Variants in BRD4 observed in about 807,000 individuals in gnomAD.
The protein encoded by BRD4 is bromodomain containing 4.
A neutral mutation model predicts 142.1 loss-of-function variants in BRD4; 16 were observed. That is an observed-to-expected ratio of 0.11 (90% CI 0.08 to 0.17). BRD4 has a LOEUF of 0.17. Ranked by LOEUF, BRD4 falls within the 10% of genes least tolerant of loss-of-function variation. The pLI is 1.00. For missense variants in BRD4, 1,424 were observed against 1,810.9 expected (o/e 0.79, Z 3.88); for synonymous variants, 833 against 707.5 (o/e 1.18, Z -2.82).
At position 15,257,070 on chromosome 19, in the gene BRD4, G is replaced by T; in HGVS notation, c.1445C>A (p.Pro482Gln). 6.2e-7 allele frequency: 1 copy of T among 1,605,180 alleles called. No individual in the cohort carries two copies. The highest frequency in any genetic ancestry group is 8.5e-7 in the Non-Finnish European group (1 of 1,177,866). Residue 482 changes from proline (P) to glutamine (Q), a missense_variant, in exon 8 of 20, where the codon CCG becomes CAG. Physicochemically the swap from Pro to Gln is moderately conservative, Grantham distance 76 (BLOSUM62 -1). This residue lies in a region of BRD4 where 90 missense variants were observed against 93.2 expected (regional missense o/e 0.97). Transcript: ENST00000679869. ...AVPPPTKVVAPPSSSDSSSDS... is the reference protein window; with the variant it reads ...AVPPPTKVVAQPSSSDSSSDS... ...GCTGCTGCTGTCGCTGGATGAGGGC[G>T]GGGCCACAACCTTGGTGGGAGGGGG...
At chr19:15,319,670 G>A (rs994661206) in intron 1 of BRD4, among the ~76,000 whole-genome samples, 10 of 151,896 alleles carry the variant, frequency 6.6e-5, no homozygotes, top group Admixed American at 1.3e-4. Context: ...AAGTGGCTCC[G>A]CCTGTAATCC....
chr19:15,316,672 A>T (rs1218927266), intron 1 of BRD4, among the ~76,000 whole-genome samples: 5 of 152,256 alleles, frequency 3.3e-5, no homozygotes, highest in Non-Finnish European at 7.3e-5. Flanking sequence ...AACTTTTTGA[A>T]GATGAGGTTA....
chr19:15,327,876 G>A (rs1018157726), intron 1 of BRD4, among the ~76,000 whole-genome samples: 39 of 137,822 alleles, frequency 2.8e-4, no homozygotes, highest in African/African-American at 8.8e-4. Flanking sequence ...AGTGGCGGGG[G>A]GTGGGCAGGA....
chr19:15,326,148 A>G (rs1236176562), intron 1 of BRD4, among the ~76,000 whole-genome samples: 2 of 145,562 alleles, frequency 1.4e-5, no homozygotes, highest in East Asian at 4.1e-4. Context: ...TTCACAATGT[A>G]GCATTAAAAA....
intron 1 of BRD4, among the ~76,000 whole-genome samples, chr19:15,314,471 G>C (rs1230667624): frequency 6.6e-6 from 1 of 152,146 alleles, no homozygotes; most frequent in African/African-American, 2.4e-5. Context: ...GCTTTCTCAA[G>C]TCTGGGACCC....
chr19:15,263,852 G>A (rs767857694), intron 6 of BRD4, among the ~76,000 whole-genome samples: 7 of 152,218 alleles, frequency 4.6e-5, no homozygotes, highest in Non-Finnish European at 7.3e-5. Flanking sequence ...CCAGCTCATC[G>A]TGATGACACA....
At chr19:15,270,330 T>C (rs2047573722) in intron 2 of BRD4, among the ~76,000 whole-genome samples, 1 of 152,102 alleles carries the variant, frequency 6.6e-6, no homozygotes, top group Non-Finnish European at 1.5e-5. Context: ...CCTGCTTACA[T>C]GTAAGGTTTT....
intron 10 of BRD4, 78 bp downstream of exon 10, chr19:15,255,219 G>A: frequency 5.8e-6 from 8 of 1,370,138 alleles, no homozygotes; most frequent in Non-Finnish European, 8.0e-6. Context: ...CGCAGAAAGA[G>A]TGGACTGAGC....
At chr19:15,304,064 C>G (rs1302827515) in intron 1 of BRD4, among the ~76,000 whole-genome samples, 1 of 152,144 alleles carries the variant, frequency 6.6e-6, no homozygotes, top group Admixed American at 6.5e-5. Context: ...GAAGGATTAC[C>G]TTCATTATGT....
chr19:15,329,982 T>A (rs1360656283), intron 1 of BRD4, among the ~76,000 whole-genome samples: 1 of 152,250 alleles, frequency 6.6e-6, no homozygotes, highest in Non-Finnish European at 1.5e-5. Context: ...ATGATTCTCG[T>A]TATTCTTAGC....
rs1599429976 is a variant in BRD4 at position 15,239,946 on chromosome 19, C to G, written c.3246G>C (p.Gln1082His). The G allele has an allele frequency of 6.2e-7, 1 of 1,613,902 alleles. No individual in the cohort carries two copies. Among genetic ancestry groups the G allele is most frequent in the Non-Finnish European group, 8.5e-7 (1 of 1,179,992 alleles). The change falls in exon 15 of 20, where the codon CAG (glutamine) becomes CAC (histidine). Residue 1082 changes from glutamine (Q) to histidine (H), a missense_variant. Physicochemically the swap from Gln to His is conservative, Grantham distance 24. Coordinates refer to ENST00000679869, the MANE Select transcript of BRD4 (RefSeq NM_001379291.1). This position sits in a 1 kb window ranked among gnomAD's most constrained non-coding sequence, Gnocchi z 7.4. ...QMSQFQSLTHQSPPQQNVQPK... is the reference protein window; with the variant it reads ...QMSQFQSLTHHSPPQQNVQPK... ...GCTGGACGTTTTGCTGGGGTGGAGA[C>G]TGGTGGGTCAGGCTCTGGAACTGTG...
At chr19:15,246,889 A>C (rs150435587) in intron 11 of BRD4, among the ~76,000 whole-genome samples, 1 of 152,248 alleles carries the variant, frequency 6.6e-6, no homozygotes, top group East Asian at 1.9e-4. Flanking sequence ...CCAGATGCCT[A>C]AAGGGGCTGG....
intron 5 of BRD4, 40 bp from the exon 6 acceptor site, chr19:15,264,806 G>A (rs754211294): frequency 1.5e-5 from 23 of 1,563,602 alleles, no homozygotes; most frequent in Admixed American, 1.1e-4. Flanking sequence ...AGTCAGAAGT[G>A]GCAGCCGGCA....
At chr19:15,241,435 A>G (rs1308818766) in intron 14 of BRD4, among the ~76,000 whole-genome samples, 1 of 152,220 alleles carries the variant, frequency 6.6e-6, no homozygotes, top group Non-Finnish European at 1.5e-5. Context: ...GGGCCCAGGG[A>G]TGCCTGTTAA....
intron 11 of BRD4, 26 bp downstream of exon 11, chr19:15,254,126 G>A: frequency 2.5e-6 from 4 of 1,589,274 alleles, no homozygotes; most frequent in Non-Finnish European, 3.5e-6. Context: ...AGTTTGGTAA[G>A]ACACGTAGAA....
intron 1 of BRD4, among the ~76,000 whole-genome samples, chr19:15,279,042 T>C (rs994400104): frequency 1.3e-5 from 2 of 152,206 alleles, no homozygotes; most frequent in East Asian, 1.9e-4. Context: ...GGTTTCTCCA[T>C]GTTGGTCAGG....
At chr19:15,309,994 G>C (rs992813745) in intron 1 of BRD4, among the ~76,000 whole-genome samples, 1 of 152,030 alleles carries the variant, frequency 6.6e-6, no homozygotes, top group South Asian at 2.1e-4. Context: ...AAGCACCCTC[G>C]CACTTAAAAC....
rs1469188793 is a variant in BRD4, at chr19:15,253,363, C to G, written c.2158+789G>C. On this transcript the variant is annotated intron_variant, in intron 11 of 19. Transcript: ENST00000679869. ...GTGCACACTTGGAGGAGAGCAGTCCCCTCTCCACTCCCACCTGGCACCCAG... is the reference window on the plus strand; with the variant it reads ...GTGCACACTTGGAGGAGAGCAGTCCGCTCTCCACTCCCACCTGGCACCCAG... 5 of 606,890 alleles carry G rather than the reference C, an allele frequency of 8.2e-6. No individual in the cohort carries two copies. In the East Asian group the frequency reaches 1.1e-4, roughly 13 times the overall value. The allele number at this position is 606,890 out of a possible 1,614,324, so 37.6% of individuals were successfully genotyped here.
At position 15,238,951 on chromosome 19, in the gene BRD4, T is replaced by C. The variant is rs2145498798; in HGVS notation, c.3812A>G (p.Gln1271Arg). The part of the protein sequence containing the change: ...RSREDEDALE[Q>R]ARRAHEEARR... ...TGCCTCCTCATGGGCCCGCCGGGCCTGCTCCAGCGCATCCTCGTCCTCTCG... is the reference window on the plus strand; with the variant it reads ...TGCCTCCTCATGGGCCCGCCGGGCCCGCTCCAGCGCATCCTCGTCCTCTCG... Residue 1271 changes from glutamine to arginine, a missense_variant, in exon 19 of 20, where the codon CAG (glutamine) becomes CGG (arginine). Around this residue, in one of 16 missense-constraint regions of BRD4, gnomAD observed 109 missense variants for 117.9 expected, o/e 0.92. Transcript: ENST00000679869. This position sits in a 1 kb window ranked among gnomAD's most constrained non-coding sequence, Gnocchi z 7.2. 1 of 1,596,012 alleles carries C rather than the reference T, an allele frequency of 6.3e-7. No homozygotes were observed. The highest frequency in any genetic ancestry group is 1.3e-5 in the African/African-American group (1 of 74,734).
Sources: allele counts gnomAD v4.1 joint callset (sites outside exome capture counted in the v4.1 genomes callset), GRCh38; gene constraint gnomAD v4.1.1; regional missense constraint gnomAD v4.1.1; non-coding constraint Gnocchi (gnomAD v3.1); transcripts MANE v1.5; gene names NCBI Gene and HGNC (gene_info 2026-07-23, HGNC 2026-07-21).